The following HSD17B6 variants were observed in gnomAD, a reference collection of about 807,000 sequenced individuals.
The protein encoded by HSD17B6 is hydroxysteroid 17-beta dehydrogenase 6.
In HSD17B6, 16 loss-of-function variants were observed where a neutral mutation model predicts 26.4. The ratio of observed to expected loss-of-function variants is 0.61; its 90% CI spans 0.41 to 0.92. The LOEUF (loss-of-function observed/expected upper bound fraction) is 0.92, where lower values mean the gene tolerates loss of function less well. Among genes scored for constraint, HSD17B6 ranks in the 40% least tolerant of loss-of-function variants. The pLI is 0.00. For synonymous variants in HSD17B6, 139 were observed against 153.0 expected (o/e 0.91, Z 0.68); for missense variants, 357 against 386.1 (o/e 0.92, Z 0.63).
At chr12:56,784,714 G>C in intron 3 of HSD17B6, 139 bp from the exon 4 acceptor site, 1 of 830,028 alleles carries the variant, frequency 1.2e-6, no homozygotes, top group Admixed American at 2.6e-5. Context: ...CGAGGGAGAG[G>C]GAGAGGGAGA....
At chr12:56,781,766 G>C (rs1189519259) in intron 2 of HSD17B6, among the ~76,000 whole-genome samples, 1 of 152,204 alleles carries the variant, frequency 6.6e-6, no homozygotes, top group Non-Finnish European at 1.5e-5. Flanking sequence ...TCGTGCCACT[G>C]CACTCCAGCC....
At chr12:56,779,088 T>A (rs1565920669) in intron 2 of HSD17B6, among the ~76,000 whole-genome samples, 1 of 44,170 alleles carries the variant, frequency 2.3e-5, no homozygotes, top group Non-Finnish European at 4.1e-5. Context: ...AATCTGACAA[T>A]TTTTTTTTTT....
chr12:56,786,342 C>T (rs765794845), intron 4 of HSD17B6, among the ~76,000 whole-genome samples: 2 of 151,316 alleles, frequency 1.3e-5, no homozygotes, highest in South Asian at 2.1e-4. Context: ...CTCTGCCTCC[C>T]GGGTTCAAGC....
intron 1 of HSD17B6, among the ~76,000 whole-genome samples, chr12:56,769,582 A>G (rs1304935556): frequency 6.7e-6 from 1 of 150,292 alleles, no homozygotes; most frequent in Non-Finnish European, 1.5e-5. Context: ...AGTGTAGATG[A>G]GAAAGGAAGA....
chr12:56,771,871 T>C (rs1954480823), intron 1 of HSD17B6, among the ~76,000 whole-genome samples: 1 of 152,116 alleles, frequency 6.6e-6, no homozygotes, highest in Non-Finnish European at 1.5e-5. Context: ...TGGGAGGTGA[T>C]TGGATCATGG....
At chr12:56,772,464 G>A (rs940151544) in intron 1 of HSD17B6, among the ~76,000 whole-genome samples, 1 of 152,106 alleles carries the variant, frequency 6.6e-6, no homozygotes, top group Non-Finnish European at 1.5e-5. Flanking sequence ...GGAGGCCAAG[G>A]TGGGTGGATC....
rs141890070 is a variant in HSD17B6 at position 56,776,304 on chromosome 12, CT to C, written c.313+2157del. On this transcript the variant is annotated intron_variant, in intron 2 of 4. Coordinates refer to ENST00000322165, the MANE Select transcript of HSD17B6 (RefSeq NM_003725.4). Reference sequence around the variant, plus strand: ...CATTTAAGATTCCTTCATGTCTTGCCTTTTTTTTTTTTTTTTTTGAGACAGG... The same window carrying C: ...CATTTAAGATTCCTTCATGTCTTGCCTTTTTTTTTTTTTTTTTGAGACAGG... Among the ~76,000 whole-genome samples, 91 of 114,788 alleles carry C rather than the reference CT, an allele frequency of 7.9e-4. No homozygotes were observed. The South Asian group carries it at 8.4e-3, about 11-fold the overall frequency. The allele number at this position is 114,788 out of a possible 152,430, so 75.3% of individuals were successfully genotyped here.
chr12:56,780,324 C>G (rs941825802), intron 2 of HSD17B6, among the ~76,000 whole-genome samples: 1 of 152,160 alleles, frequency 6.6e-6, no homozygotes, highest in Non-Finnish European at 1.5e-5. Context: ...ATAATTTATT[C>G]AAAGACCTGT....
intron 2 of HSD17B6, among the ~76,000 whole-genome samples, chr12:56,775,831 C>T (rs1954579520): frequency 6.6e-6 from 1 of 152,154 alleles, no homozygotes; most frequent in Non-Finnish European, 1.5e-5. Context: ...CTAAAAGTCC[C>T]TCGTGCTTTA....
In HSD17B6 at chr12:56,768,704, C is replaced by T. The variant is rs1045788316; in HGVS notation, c.-19-5130C>T. Among the ~76,000 whole-genome samples the T allele has an allele frequency of 2.2e-4, 26 of 119,890 alleles. No homozygotes were observed. The Admixed American group carries it at 2.8e-3, about 13-fold the overall frequency. 78.7% of individuals were successfully genotyped at this position (119,890 alleles called of 152,430 possible). On this transcript the variant is annotated intron_variant, in intron 1 of 4. Transcript: ENST00000322165. ...TAAAGATTTGGAACAGGTGTTGTTG[C>T]GAAATAATAAGGGAGGAGTCAAATG... is the stretch of plus-strand genomic sequence containing the variant.
intron 2 of HSD17B6, among the ~76,000 whole-genome samples, chr12:56,780,835 C>A (rs917145586): frequency 8.2e-6 from 1 of 121,220 alleles, no homozygotes; most frequent in Non-Finnish European, 1.7e-5. Context: ...GGCGAGACTC[C>A]GTCTCAAAAA....
In HSD17B6 at chr12:56,773,934, C is replaced by T. The variant is rs1490488280; in HGVS notation, c.82C>T (p.Gln28Ter). 2 of 1,613,954 alleles carry T rather than the reference C, an allele frequency of 1.2e-6. No individual in the cohort carries two copies. Among genetic ancestry groups the T allele is most frequent in the Non-Finnish European group, 1.7e-6 (2 of 1,179,940 alleles). ...GGAGAGGCAGGTGGTGAGCCACCTC[C>T]AAGACAAGTATGTCTTTATCACGGG... is the stretch of plus-strand genomic sequence containing the variant. ...YRERQVVSHL[Q>*]DKYVFITGCD... The change falls in exon 2 of 5, where the codon CAA becomes TAA. Residue 28 changes from glutamine to a stop codon, truncating the protein, a stop_gained. Coordinates refer to ENST00000322165, the MANE Select transcript of HSD17B6 (RefSeq NM_003725.4). LOFTEE classifies it high-confidence loss of function.
chr12:56,786,190 C>T (rs911404352), intron 4 of HSD17B6, among the ~76,000 whole-genome samples: 1 of 151,344 alleles, frequency 6.6e-6, no homozygotes, highest in African/African-American at 2.4e-5. Flanking sequence ...AGTATATTCC[C>T]ATATCTGTGT....
chr12:56,783,046 T>A (rs1338482303), intron 3 of HSD17B6, among the ~76,000 whole-genome samples: 1 of 152,250 alleles, frequency 6.6e-6, no homozygotes, highest in East Asian at 1.9e-4. Flanking sequence ...TACTTCTTTC[T>A]ACACAGACAC....
chr12:56,767,183 G>A (rs1237601374), intron 1 of HSD17B6, among the ~76,000 whole-genome samples: 2 of 151,976 alleles, frequency 1.3e-5, no homozygotes, highest in Non-Finnish European at 2.9e-5. Flanking sequence ...GCCTTAATCT[G>A]TGCTTCAGTT....
intron 2 of HSD17B6, 42 bp downstream of exon 2, chr12:56,774,207 G>A: frequency 2.0e-6 from 3 of 1,509,080 alleles, no homozygotes; most frequent in Non-Finnish European, 2.7e-6. Context: ...GCATGAAGAT[G>A]CTAAGGTTAT....
rs1954727338 is a variant in HSD17B6 at position 56,782,056 on chromosome 12, T to C, written c.396T>C (p.Asn132=). 2 of 1,614,190 alleles carry C rather than the reference T, an allele frequency of 1.2e-6. No individual in the cohort carries two copies. Among genetic ancestry groups the C allele is most frequent in the East Asian group, 4.5e-5 (2 of 44,878 alleles). ...GGCTGAACACTGAGGACTCTATGAA[T>C]ATGCTCAAAGTGAACCTCATTGGTG... ...CEWLNTEDSM[N]MLKVNLIGVI... The change falls in exon 3 of 5, where the codon AAT becomes AAC. Residue 132 remains asparagine (N), a synonymous_variant. Coordinates refer to ENST00000322165, the MANE Select transcript of HSD17B6 (RefSeq NM_003725.4).
chr12:56,768,492 G>C (rs1954394163), intron 1 of HSD17B6, among the ~76,000 whole-genome samples: 1 of 152,142 alleles, frequency 6.6e-6, no homozygotes, highest in Non-Finnish European at 1.5e-5. Flanking sequence ...AGACAATACA[G>C]AGAAATTTAG....
chr12:56,775,038 A>G (rs137947351), intron 2 of HSD17B6, among the ~76,000 whole-genome samples: 168 of 152,368 alleles, frequency 1.1e-3, no homozygotes, highest in African/African-American at 3.9e-3. Flanking sequence ...TGTGTTTTCT[A>G]TCCACAATTG....
Sources: allele counts gnomAD v4.1 joint callset (sites outside exome capture counted in the v4.1 genomes callset), GRCh38; gene constraint gnomAD v4.1.1; transcripts MANE v1.5; gene names NCBI Gene and HGNC (gene_info 2026-07-23, HGNC 2026-07-21).